SLC6A6: variants seen among roughly 807,000 people sequenced by gnomAD.
SLC6A6 encodes the protein sodium- and chloride-dependent taurine transporter.
A neutral mutation model predicts 68.8 loss-of-function variants in SLC6A6; 16 were observed. The observed-to-expected ratio is 0.23, with a 90% CI of 0.16 to 0.35. The LOEUF is 0.35. Among genes scored for constraint, SLC6A6 ranks in the 10% least tolerant of loss-of-function variants. The pLI, the probability that SLC6A6 is intolerant of heterozygous loss-of-function variation, is 1.00. For synonymous variants in SLC6A6, 312 were observed against 315.4 expected, an observed-to-expected ratio of 0.99 and a Z score of 0.12; for missense variants, 474 against 802.8, an observed-to-expected ratio of 0.59 and a Z score of 4.95.
intron 2 of SLC6A6, among the ~76,000 whole-genome samples, chr3:14,425,100 GCA>G (rs1309123601): frequency 6.6e-6 from 1 of 152,166 alleles, no homozygotes; most frequent in East Asian, 1.9e-4. Context: ...TCTTTCTTGG[GCA>G]CAGAGTATCC....
chr3:14,425,571 C>T (rs1699576557), intron 2 of SLC6A6, among the ~76,000 whole-genome samples: 2 of 152,130 alleles, frequency 1.3e-5, no homozygotes, highest in South Asian at 4.1e-4. Flanking sequence ...TCCTTGCCCC[C>T]AAGGAGTAAA....
rs73815291 is a variant in SLC6A6 at position 14,458,819 on chromosome 3, T to C, written c.732+737T>C. Among the ~76,000 whole-genome samples the C allele has an allele frequency of 5.6e-3, 857 of 152,358 alleles. 11 individuals are homozygous for C. Among genetic ancestry groups the C allele is most frequent in the African/African-American group, 0.019 (780 of 41,584 alleles). The stretch of plus-strand genomic sequence containing the variant: ...GTGTTAGCTGTTAACCAAAGTATTA[T>C]TCATAACTGGAGTGTTTGCTGCTGA... On this transcript the variant is annotated intron_variant, in intron 6 of 14. Coordinates refer to ENST00000622186, the MANE Select transcript of SLC6A6 (RefSeq NM_003043.6).
At chr3:14,429,227 C>T (rs1368218565) in intron 2 of SLC6A6, among the ~76,000 whole-genome samples, 1 of 152,242 alleles carries the variant, frequency 6.6e-6, no homozygotes, top group Non-Finnish European at 1.5e-5. Flanking sequence ...GGGTCCACAT[C>T]TGGGCTCTGC....
At chr3:14,454,632 G>A (rs1395736420) in intron 5 of SLC6A6, among the ~76,000 whole-genome samples, 3 of 152,140 alleles carry the variant, frequency 2.0e-5, no homozygotes, top group African/African-American at 7.2e-5. Flanking sequence ...AGATACATTG[G>A]TTTCAGCCCT....
intron 13 of SLC6A6, among the ~76,000 whole-genome samples, chr3:14,480,850 G>A (rs1224540463): frequency 6.6e-6 from 1 of 152,186 alleles, no homozygotes; most frequent in African/African-American, 2.4e-5. Context: ...GCTCCCTTTA[G>A]AGGCACAGGG....
intron 5 of SLC6A6, chr3:14,448,225 A>T: frequency 3.0e-6 from 1 of 336,616 alleles, no homozygotes; most frequent in Admixed American, 5.5e-5. Flanking sequence ...GTGGAAAGTG[A>T]GTAGGTAGAG....
At position 14,477,866 on chromosome 3, in the gene SLC6A6, G is replaced by A. The variant is rs1700914480; in HGVS notation, c.1347+524G>A. On this transcript the variant is annotated intron_variant, in intron 11 of 14. Coordinates refer to ENST00000622186, the MANE Select transcript of SLC6A6 (RefSeq NM_003043.6). The surrounding 1 kb of genome is among the most constrained non-coding windows in gnomAD (Gnocchi z 4.2). The stretch of plus-strand genomic sequence containing the variant: ...GAGGGGCGATTTCAGATGCAGACAA[G>A]GGAAGCAAAGAGCAGAAGGGAACGG... 1.3e-5 allele frequency among the ~76,000 whole-genome samples: 2 copies of A among 152,144 alleles called. No homozygotes were observed. Among genetic ancestry groups the A allele is most frequent in the African/African-American group, 4.8e-5 (2 of 41,426 alleles).
At chr3:14,417,110 A>G (rs1305821726) in intron 2 of SLC6A6, among the ~76,000 whole-genome samples, 1 of 152,134 alleles carries the variant, frequency 6.6e-6, no homozygotes, top group African/African-American at 2.4e-5. Context: ...AGGCAGGAGG[A>G]TTGCTTGAGG....
At position 14,472,414 on chromosome 3, in the gene SLC6A6, C is replaced by A. The variant is rs910099204; in HGVS notation, c.1209+97C>A. 1 of 751,300 alleles carries A rather than the reference C, an allele frequency of 1.3e-6. No individual in the cohort carries two copies. Among genetic ancestry groups the A allele is most frequent in the Non-Finnish European group, 2.4e-6 (1 of 425,326 alleles). 46.5% of individuals were successfully genotyped at this position (751,300 alleles called of 1,614,324 possible). On this transcript the variant is annotated intron_variant, in intron 10 of 14. Coordinates refer to ENST00000622186, the MANE Select transcript of SLC6A6 (RefSeq NM_003043.6). This position sits in a 1 kb window ranked among gnomAD's most constrained non-coding sequence, Gnocchi z 4.5. ...CACCTGGGAGGTGGTCAACCCCCTT[C>A]CCCCCTCCAGTCAGACTTCCAGTGC...
intron 10 of SLC6A6, among the ~76,000 whole-genome samples, chr3:14,475,931 G>A (rs1700869573): frequency 6.6e-6 from 1 of 152,140 alleles, no homozygotes; most frequent in Non-Finnish European, 1.5e-5. Flanking sequence ...GCACATGAAA[G>A]GGATTTCTCC....
chr3:14,464,797 TTGAC>T (rs1157061508), intron 6 of SLC6A6, among the ~76,000 whole-genome samples: 1 of 152,240 alleles, frequency 6.6e-6, no homozygotes, highest in Non-Finnish European at 1.5e-5. Flanking sequence ...AATGGGTGCA[TTGAC>T]TGTGCAGTGG....
intron 2 of SLC6A6, among the ~76,000 whole-genome samples, chr3:14,437,061 T>C (rs1001302864): frequency 1.2e-4 from 1 of 8,144 alleles, no homozygotes; most frequent in Non-Finnish European, 2.5e-4. Flanking sequence ...CTTTTCCTCA[T>C]GTGTGACTGT....
At position 14,443,725 on chromosome 3, in the gene SLC6A6, G is replaced by A. The variant is rs747752099; in HGVS notation, c.91G>A (p.Glu31Lys). 1 of 1,614,170 alleles carries A rather than the reference G, an allele frequency of 6.2e-7. No individual in the cohort carries two copies. The highest frequency in any genetic ancestry group is 8.5e-7 in the Non-Finnish European group (1 of 1,179,978). ...AGGGAAGAGCCCAGGCACGCGGCCT[G>A]AGGACGAGGCTGAGGGAAAACCTCC... ...SPGKSPGTRP[E>K]DEAEGKPPQR... The change falls in exon 3 of 15, where the codon GAG becomes AAG. Residue 31 changes from glutamate (E) to lysine (K), a missense_variant. Physicochemically the swap from Glu to Lys is moderately conservative, Grantham distance 56. This residue lies in a region of SLC6A6 where 280 missense variants were observed against 533.1 expected (regional missense o/e 0.53). Coordinates refer to ENST00000622186, the MANE Select transcript of SLC6A6 (RefSeq NM_003043.6).
At position 14,477,298 on chromosome 3, in the gene SLC6A6, G is replaced by C. The variant is rs763840556; in HGVS notation, c.1303G>C (p.Val435Leu). ...GYRREIFIAF[V>L]CSISYLLGLT... is the part of the protein sequence containing the mutation. ...TCGTCGGGAAATCTTCATCGCCTTCGTGTGTAGCATCAGCTACCTGCTGGG... is the reference window on the plus strand; with the variant it reads ...TCGTCGGGAAATCTTCATCGCCTTCCTGTGTAGCATCAGCTACCTGCTGGG... Residue 435 changes from valine to leucine, a missense_variant, in exon 11 of 15, where the codon GTG becomes CTG. Val to Leu is a conservative substitution (Grantham distance 32). Transcript: ENST00000622186. The surrounding 1 kb of genome is among the most constrained non-coding windows in gnomAD (Gnocchi z 4.2). 4.3e-6 allele frequency: 7 copies of C among 1,613,922 alleles called. No individual in the cohort carries two copies. The highest frequency in any genetic ancestry group is 5.9e-6 in the Non-Finnish European group (7 of 1,179,910).
chr3:14,442,965 TG>T, intron 2 of SLC6A6, among the ~76,000 whole-genome samples: 1 of 152,352 alleles, frequency 6.6e-6, no homozygotes, highest in South Asian at 2.1e-4. Context: ...GAGATGTGAC[TG>T]GTTAATAAAT....
At chr3:14,415,128 G>A (rs1017921395) in intron 1 of SLC6A6, among the ~76,000 whole-genome samples, 1 of 152,182 alleles carries the variant, frequency 6.6e-6, no homozygotes, top group African/African-American at 2.4e-5. Flanking sequence ...GTGGTTCCAG[G>A]CCTCATGAGC....
chr3:14,408,577 C>T (rs146301374), intron 1 of SLC6A6, among the ~76,000 whole-genome samples: 6 of 152,198 alleles, frequency 3.9e-5, no homozygotes, highest in East Asian at 1.9e-4. Context: ...TCAAGTGATC[C>T]GCCTGCCTTG....
At chr3:14,421,672 G>C (rs1424789746) in intron 2 of SLC6A6, among the ~76,000 whole-genome samples, 2 of 152,240 alleles carry the variant, frequency 1.3e-5, no homozygotes. Context: ...AGTTTGCACG[G>C]TTTTTCCAGC....
rs1288425475 is a variant in SLC6A6 at position 14,468,341 on chromosome 3, C to CT, written c.1096+129_1096+130insT. ...AGCCTGGTTTCTAAAATGGACCCCC[C>CT]CCCCGCCACCAAGATATCCCCCAAA... On this transcript the variant is annotated intron_variant, in intron 9 of 14. Transcript: ENST00000622186. This position sits in a 1 kb window ranked among gnomAD's most constrained non-coding sequence, Gnocchi z 4.5. 3 of 733,362 alleles carry CT rather than the reference C, an allele frequency of 4.1e-6. No homozygotes were observed. The highest frequency in any genetic ancestry group is 3.1e-5 in the East Asian group (1 of 32,686). The allele number at this position is 733,362 out of a possible 1,614,324, so 45.4% of individuals were successfully genotyped here.
Sources: allele counts gnomAD v4.1 joint callset (sites outside exome capture counted in the v4.1 genomes callset), GRCh38; gene constraint gnomAD v4.1.1; regional missense constraint gnomAD v4.1.1; non-coding constraint Gnocchi (gnomAD v3.1); transcripts MANE v1.5; gene names NCBI Gene and HGNC (gene_info 2026-07-23, HGNC 2026-07-21).